Variants in PSKH1 observed in about 807,000 individuals in gnomAD.
PSKH1 encodes serine/threonine-protein kinase H1.
Under a neutral mutation model 26.7 loss-of-function variants are expected in PSKH1, and 12 were observed. The ratio of observed to expected loss-of-function variants is 0.45; its 90% CI spans 0.29 to 0.73. The LOEUF (loss-of-function observed/expected upper bound fraction) is 0.73. Among genes scored for constraint, PSKH1 ranks in the 30% least tolerant of loss-of-function variants. The pLI is 0.11. For missense variants in PSKH1, 431 were observed against 595.2 expected (o/e 0.72, Z 2.87); for synonymous variants, 213 against 234.3 (o/e 0.91, Z 0.83).
intron 1 of PSKH1, among the ~76,000 whole-genome samples, chr16:67,899,404 C>T (rs371161333): frequency 3.3e-4 from 49 of 146,414 alleles, no homozygotes; most frequent in African/African-American, 1.1e-3. Flanking sequence ...GGCGCAATCT[C>T]GGCTCACTGC....
intron 2 of PSKH1, among the ~76,000 whole-genome samples, chr16:67,926,750 C>T (rs1050062332): frequency 3.3e-5 from 5 of 151,644 alleles, no homozygotes; most frequent in South Asian, 2.1e-4. Flanking sequence ...TTCCTGGTCC[C>T]GGGATCGCCT....
At chr16:67,893,776 C>A (rs2058118779) in intron 1 of PSKH1, among the ~76,000 whole-genome samples, 1 of 152,220 alleles carries the variant, frequency 6.6e-6, no homozygotes, top group Non-Finnish European at 1.5e-5. Context: ...TGCCAGGGGC[C>A]GGCGGGGCAG....
chr16:67,901,513 T>C (rs751446558), intron 1 of PSKH1, among the ~76,000 whole-genome samples: 5 of 150,680 alleles, frequency 3.3e-5, no homozygotes, highest in Non-Finnish European at 7.4e-5. Context: ...TTTTGTATTT[T>C]AGTAGAGACG....
intron 1 of PSKH1, among the ~76,000 whole-genome samples, chr16:67,907,996 G>T (rs2058161285): frequency 6.6e-6 from 1 of 152,158 alleles, no homozygotes; most frequent in Non-Finnish European, 1.5e-5. Flanking sequence ...AGTAATAAGA[G>T]GAATGATTTT....
chr16:67,910,935 T>C (rs570757212), intron 2 of PSKH1, among the ~76,000 whole-genome samples: 29 of 152,382 alleles, frequency 1.9e-4, no homozygotes, highest in Non-Finnish European at 3.7e-4. Context: ...GATCCATTGA[T>C]AGTCCTGATG....
chr16:67,909,326 C>G lies in PSKH1; in HGVS notation c.577C>G (p.Arg193Gly). The change falls in exon 2 of 3, where the codon CGT (arginine) becomes GGT (glycine). Residue 193 changes from arginine (R) to glycine (G), a missense_variant. Coordinates refer to ENST00000291041, the MANE Select transcript of PSKH1 (RefSeq NM_006742.3). The surrounding 1 kb of genome is among the most constrained non-coding windows in gnomAD (Gnocchi z 7.8). ...CATTGCCAAGGGCTCCTTCACCGAG[C>G]GTGACGCCACGCGGGTGCTGCAGAT... ...RIIAKGSFTE[R>G]DATRVLQMVL... 4 of 1,614,062 alleles carry G rather than the reference C, an allele frequency of 2.5e-6. No individual in the cohort carries two copies. The highest frequency in any genetic ancestry group is 3.4e-6 in the Non-Finnish European group (4 of 1,180,000).
chr16:67,909,630 C>A lies in PSKH1; in HGVS notation c.881C>A (p.Thr294Asn). 1 of 1,614,032 alleles carries A rather than the reference C, an allele frequency of 6.2e-7. No individual in the cohort carries two copies. The highest frequency in any genetic ancestry group is 8.5e-7 in the Non-Finnish European group (1 of 1,180,046). The part of the protein sequence containing the change: ...GVIAYILLSG[T>N]MPFEDDNRTR... ...ATTGCCTACATCCTACTCAGTGGCA[C>A]CATGCCGTTTGAGGATGACAACCGT... is the stretch of plus-strand genomic sequence containing the variant. The change falls in exon 2 of 3, where the codon ACC (threonine) becomes AAC (asparagine). Residue 294 changes from threonine (T) to asparagine (N), a missense_variant. By Grantham distance (65) the Thr-to-Asn change is moderately conservative (BLOSUM62 0). Transcript: ENST00000291041. The surrounding 1 kb of genome is among the most constrained non-coding windows in gnomAD (Gnocchi z 7.8).
At chr16:67,920,422 G>A (rs2058198988) in intron 2 of PSKH1, among the ~76,000 whole-genome samples, 1 of 152,038 alleles carries the variant, frequency 6.6e-6, no homozygotes, top group Admixed American at 6.5e-5. Context: ...CCACCACACC[G>A]GGCTAATTTT....
chr16:67,900,538 G>A (rs1373106360), intron 1 of PSKH1, among the ~76,000 whole-genome samples: 1 of 152,206 alleles, frequency 6.6e-6, no homozygotes, highest in Non-Finnish European at 1.5e-5. Flanking sequence ...CAGCACTGCT[G>A]GAGTCTTTCC....
At chr16:67,903,687 C>T (rs148153042) in intron 1 of PSKH1, among the ~76,000 whole-genome samples, 6 of 152,062 alleles carry the variant, frequency 3.9e-5, no homozygotes, top group Admixed American at 3.3e-4. Flanking sequence ...CTTTCCACTG[C>T]TTCCCAAATC....
intron 2 of PSKH1, among the ~76,000 whole-genome samples, chr16:67,917,522 A>G (rs949219143): frequency 6.6e-6 from 1 of 152,234 alleles, no homozygotes; most frequent in Non-Finnish European, 1.5e-5. Flanking sequence ...GAACTGCAGT[A>G]TTTATAAGTG....
chr16:67,911,533 T>G (rs980413943), intron 2 of PSKH1, among the ~76,000 whole-genome samples: 8 of 152,096 alleles, frequency 5.3e-5, no homozygotes, highest in Admixed American at 5.2e-4. Context: ...AAACACAAAA[T>G]TAGCCGGGTG....
At chr16:67,921,753 T>C (rs868462406) in intron 2 of PSKH1, among the ~76,000 whole-genome samples, 3 of 152,174 alleles carry the variant, frequency 2.0e-5, no homozygotes, top group Admixed American at 1.3e-4. Context: ...CAGACATCGC[T>C]ATGTTGGTGG....
At chr16:67,910,783 G>A (rs905007942) in intron 2 of PSKH1, among the ~76,000 whole-genome samples, 1 of 152,206 alleles carries the variant, frequency 6.6e-6, no homozygotes, top group Non-Finnish European at 1.5e-5. Context: ...GATTACAGGC[G>A]TGAGCCACTG....
In PSKH1 at chr16:67,927,488, ACCT is replaced by A; in HGVS notation, c.1125_1127del (p.Leu376del). 1 of 1,614,014 alleles carries A rather than the reference ACCT, an allele frequency of 6.2e-7. No homozygotes were observed. The stretch of plus-strand genomic sequence containing the variant: ...AACCTGCACCGCTCCATATCCCAGA[ACCT>A]CCTTAAACGTGCCTCCTCGCGCTGC... On this transcript the variant is annotated inframe_deletion, in exon 3 of 3. Transcript: ENST00000291041. This position sits in a 1 kb window ranked among gnomAD's most constrained non-coding sequence, Gnocchi z 5.5.
Position 67,908,904 on chromosome 16 carries a change from T to A in PSKH1, c.155T>A (p.Phe52Tyr). Residue 52 changes from phenylalanine to tyrosine, a missense_variant, in exon 2 of 3, where the codon TTC becomes TAC. Physicochemically the swap from Phe to Tyr is conservative, Grantham distance 22 (BLOSUM62 3). Transcript: ENST00000291041. ...VDSVGPVKAG[F>Y]PAASQYAHPC... ...AGTGTTGGCCCTGTCAAAGCCGGGT[T>A]CCCAGCAGCAAGTCAGTATGCACAC... 1.9e-6 allele frequency: 3 copies of A among 1,614,120 alleles called. No homozygotes were observed. Among genetic ancestry groups the A allele is most frequent in the Non-Finnish European group, 2.5e-6 (3 of 1,180,026 alleles).
At chr16:67,905,784 G>C in intron 1 of PSKH1, among the ~76,000 whole-genome samples, 1 of 152,202 alleles carries the variant, frequency 6.6e-6, no homozygotes, top group Non-Finnish European at 1.5e-5. Flanking sequence ...GCTTGAACCC[G>C]GGAGGCAGAG....
Position 67,909,425 on chromosome 16 carries a change from T to C in PSKH1, c.676T>C (p.Tyr226His), listed in dbSNP as rs763313027. Residue 226 changes from tyrosine (Y) to histidine (H), a missense_variant, in exon 2 of 3, where the codon TAC becomes CAC. Tyr to His is a moderately conservative substitution (Grantham distance 83). Coordinates refer to ENST00000291041, the MANE Select transcript of PSKH1 (RefSeq NM_006742.3). This position sits in a 1 kb window ranked among gnomAD's most constrained non-coding sequence, Gnocchi z 7.8. ...AGACCTCAAACCTGAGAATCTGCTC[T>C]ACTACCATCCGGGCACTGACTCCAA... ...HRDLKPENLL[Y>H]YHPGTDSKII... 9.9e-6 allele frequency: 16 copies of C among 1,613,428 alleles called. No homozygotes were observed. Among genetic ancestry groups the C allele is most frequent in the Non-Finnish European group, 1.7e-6 (2 of 1,180,000 alleles).
intron 1 of PSKH1, among the ~76,000 whole-genome samples, chr16:67,908,196 T>C (rs1466982870): frequency 2.6e-5 from 4 of 152,134 alleles, no homozygotes; most frequent in Non-Finnish European, 5.9e-5. Flanking sequence ...AGCTAGACCC[T>C]GTGTTGAGTC....
Sources: gnomAD v4.1 joint callset for allele counts (sites outside exome capture counted in the v4.1 genomes callset) on GRCh38, gnomAD v4.1.1 for gene constraint, Gnocchi (gnomAD v3.1) non-coding constraint, MANE v1.5 for transcripts, NCBI Gene and HGNC (gene_info 2026-07-23, HGNC 2026-07-21) for gene names.